Variants in KDM4B observed in about 807,000 individuals in gnomAD.
KDM4B encodes the protein lysine-specific demethylase 4B.
Under a neutral mutation model 125.2 loss-of-function variants are expected in KDM4B, and 32 were observed. That is an observed-to-expected ratio of 0.26 (90% CI 0.19 to 0.34). The LOEUF (loss-of-function observed/expected upper bound fraction) is 0.34, where lower values mean the gene tolerates loss of function less well. Among genes scored for constraint, KDM4B ranks in the 10% least tolerant of loss-of-function variants. The pLI is 1.00. For missense variants in KDM4B, 1,190 were observed against 1,577.7 expected (o/e 0.75, Z 4.16); for synonymous variants, 721 against 677.9 (o/e 1.06, Z -0.99).
intron 2 of KDM4B, among the ~76,000 whole-genome samples, chr19:5,017,821 A>T (rs1296423127): frequency 7.3e-6 from 1 of 137,048 alleles, no homozygotes; most frequent in Non-Finnish European, 1.6e-5. Context: ...GCTCACTGCA[A>T]GCTCCGCCTC....
intron 10 of KDM4B, chr19:5,119,118 A>C (rs2039310764): frequency 1.3e-6 from 2 of 1,521,236 alleles, no homozygotes; most frequent in Non-Finnish European, 8.8e-7. Context: ...TACATTCTAG[A>C]CAAATTAGTC....
chr19:5,057,680 C>T (rs1311543343), intron 6 of KDM4B, among the ~76,000 whole-genome samples: 4 of 152,192 alleles, frequency 2.6e-5, no homozygotes, highest in South Asian at 2.1e-4. Flanking sequence ...AAGAGACGTC[C>T]GATCTGCCCT....
rs1280567926 is a variant in KDM4B at position 5,113,956 on chromosome 19, G to C, written c.1115+3138G>C. On this transcript the variant is annotated intron_variant, in intron 10 of 22. Coordinates refer to ENST00000159111, the MANE Select transcript of KDM4B (RefSeq NM_015015.3). Reference sequence around the variant, plus strand: ...AGAGGACACGGCCTACTCCCTGCTCGCCACCTTACATGGGTCTCTTCCAGA... The same window carrying C: ...AGAGGACACGGCCTACTCCCTGCTCCCCACCTTACATGGGTCTCTTCCAGA... The C allele has an allele frequency of 1.5e-5, 18 of 1,227,812 alleles. No individual in the cohort carries two copies. In the East Asian group the frequency reaches 9.1e-4, roughly 62 times the overall value. 76.1% of individuals were successfully genotyped at this position (1,227,812 alleles called of 1,614,324 possible).
chr19:5,044,252 C>T (rs1443980982), intron 5 of KDM4B, among the ~76,000 whole-genome samples: 4 of 34,884 alleles, frequency 1.1e-4, no homozygotes, highest in African/African-American at 5.4e-4. Flanking sequence ...GTGGGGTGTC[C>T]ACCTTATCCC....
chr19:5,066,755 G>A (rs991832654), intron 6 of KDM4B, among the ~76,000 whole-genome samples: 1 of 152,186 alleles, frequency 6.6e-6, no homozygotes, highest in Middle Eastern at 3.2e-3. Flanking sequence ...TCCAGATCCC[G>A]GGCTGGAGAT....
chr19:4,972,371 G>T (rs2034290606), intron 1 of KDM4B, among the ~76,000 whole-genome samples: 1 of 152,150 alleles, frequency 6.6e-6, no homozygotes, highest in South Asian at 2.1e-4. Flanking sequence ...GATCAAAGCG[G>T]GTAAAAGGCG....
chr19:5,131,785 G>A (rs2039561041), intron 12 of KDM4B, 102 bp from the exon 13 acceptor site: 1 of 1,464,258 alleles, frequency 6.8e-7, no homozygotes, highest in Non-Finnish European at 9.5e-7. Flanking sequence ...CCCAGGAGAG[G>A]AGACTCAGGC....
At chr19:5,151,202 G>C in intron 22 of KDM4B, 133 bp from the exon 23 acceptor site, 1 of 741,564 alleles carries the variant, frequency 1.3e-6, no homozygotes, top group Non-Finnish European at 1.9e-6. Flanking sequence ...ACGAAAACAG[G>C]AGCCTGCTGA....
At chr19:5,146,948 A>AAC (rs1003747603) in intron 21 of KDM4B, among the ~76,000 whole-genome samples, 21 of 150,306 alleles carry the variant, frequency 1.4e-4, no homozygotes, top group Non-Finnish European at 3.0e-4. Flanking sequence ...CCAAAAAAAA[A>AAC]AAAAAAAAAA....
At chr19:5,111,652 A>C in intron 10 of KDM4B, 1 of 707,664 alleles carries the variant, frequency 1.4e-6, no homozygotes, top group Non-Finnish European at 2.6e-6. Flanking sequence ...TTTGGTGCCC[A>C]AGGAACATTC....
chr19:5,014,884 A>C, intron 1 of KDM4B, among the ~76,000 whole-genome samples: 1 of 151,654 alleles, frequency 6.6e-6, no homozygotes, highest in East Asian at 2.0e-4. Context: ...AGTCCCAGCT[A>C]TTCGGGAGGC....
intron 3 of KDM4B, among the ~76,000 whole-genome samples, chr19:5,036,689 C>G (rs927565495): frequency 6.6e-5 from 10 of 152,254 alleles, no homozygotes; most frequent in Non-Finnish European, 1.5e-4. Context: ...GAGGCACTTT[C>G]AGGGGCCGCC....
chr19:5,116,918 C>T (rs1048749909), intron 10 of KDM4B, among the ~76,000 whole-genome samples: 2 of 152,194 alleles, frequency 1.3e-5, no homozygotes, highest in African/African-American at 4.8e-5. Flanking sequence ...GAGCCAGACC[C>T]AGAAACAAGC....
intron 9 of KDM4B, among the ~76,000 whole-genome samples, chr19:5,092,524 G>A (rs1253513690): frequency 6.6e-6 from 1 of 152,212 alleles, no homozygotes; most frequent in Non-Finnish European, 1.5e-5. Context: ...GGAGGGTCGG[G>A]GGCTTTTCTA....
rs762167106 is a variant in KDM4B, at chr19:5,137,352, C to T, written c.2385+14C>T. On this transcript the variant is annotated intron_variant, in intron 16 of 22. Coordinates refer to ENST00000159111, the MANE Select transcript of KDM4B (RefSeq NM_015015.3). ...GCCTGGACTGCGGTAACTCGCTCCC[C>T]GCAGCGGGGGTGGTGCTCTGAGAGG... The T allele has an allele frequency of 1.9e-5, 30 of 1,553,692 alleles. No individual in the cohort carries two copies. Among genetic ancestry groups the T allele is most frequent in the Admixed American group, 1.2e-4 (6 of 51,482 alleles).
chr19:5,021,383 C>T (rs1244959359), intron 2 of KDM4B, among the ~76,000 whole-genome samples: 1 of 152,082 alleles, frequency 6.6e-6, no homozygotes. Context: ...TGCTTGAGGC[C>T]AGAAGTTCAA....
intron 6 of KDM4B, among the ~76,000 whole-genome samples, chr19:5,056,408 T>C (rs1037310912): frequency 2.0e-5 from 3 of 149,390 alleles, no homozygotes; most frequent in Non-Finnish European, 3.0e-5. Flanking sequence ...TTTCTTTCTT[T>C]TTTTTTTTTT....
chr19:5,107,427 C>G (rs767256681), intron 9 of KDM4B, among the ~76,000 whole-genome samples: 4 of 152,242 alleles, frequency 2.6e-5, no homozygotes, highest in Non-Finnish European at 5.9e-5. Context: ...CCTCCAGTCA[C>G]TCCTGCACAG....
Position 5,041,087 on chromosome 19 carries a change from G to A in KDM4B, c.318-50G>A, listed in dbSNP as rs375416435. 5.1e-5 allele frequency: 67 copies of A among 1,313,950 alleles called. No homozygotes were observed. The African/African-American group carries it at 8.1e-4, about 16-fold the overall frequency. The allele number at this position is 1,313,950 out of a possible 1,614,324, so 81.4% of individuals were successfully genotyped here. A position where few individuals can be genotyped will look rare whatever the true frequency, so the allele number is the denominator to read the frequency against. Reference sequence around the variant, plus strand: ...TTCCAGGTGGCTGAGGGTGGGCTGCGTAGCACCCAGGCCTCACCCTGAGCT... The same window carrying A: ...TTCCAGGTGGCTGAGGGTGGGCTGCATAGCACCCAGGCCTCACCCTGAGCT... On this transcript the variant is annotated intron_variant, in intron 4 of 22. Coordinates refer to ENST00000159111, the MANE Select transcript of KDM4B (RefSeq NM_015015.3).
Sources: allele counts gnomAD v4.1 joint callset (sites outside exome capture counted in the v4.1 genomes callset), GRCh38; gene constraint gnomAD v4.1.1; transcripts MANE v1.5; gene names NCBI Gene and HGNC (gene_info 2026-07-23, HGNC 2026-07-21).